The following USP28 variants were observed in gnomAD, a reference collection of about 807,000 sequenced individuals.
USP28 encodes ubiquitin specific peptidase 28.
Under a neutral mutation model 145.0 loss-of-function variants are expected in USP28, and 113 were observed. The observed-to-expected ratio is 0.78, with a 90% CI of 0.67 to 0.91. The LOEUF (loss-of-function observed/expected upper bound fraction) is 0.91, where lower values mean the gene tolerates loss of function less well. Among genes scored for constraint, USP28 ranks in the 40% least tolerant of loss-of-function variants. USP28 has a pLI of 0.00. For synonymous variants in USP28, 447 were observed against 450.9 expected (o/e 0.99, Z 0.11); for missense variants, 1,201 against 1,289.6 (o/e 0.93, Z 1.05).
At chr11:113,864,317 A>G (rs1259465336) in intron 1 of USP28, among the ~76,000 whole-genome samples, 3 of 152,244 alleles carry the variant, frequency 2.0e-5, no homozygotes, top group Non-Finnish European at 2.9e-5. Flanking sequence ...CATGAACTGG[A>G]AAACTGTACT....
chr11:113,837,479 C>G (rs975007926), intron 5 of USP28, among the ~76,000 whole-genome samples: 1 of 152,224 alleles, frequency 6.6e-6, no homozygotes, highest in Non-Finnish European at 1.5e-5. Flanking sequence ...TCGCAGATTA[C>G]ACGTTCAGAA....
intron 1 of USP28, among the ~76,000 whole-genome samples, chr11:113,858,447 ATT>A (rs1211743686): frequency 6.6e-6 from 1 of 152,050 alleles, no homozygotes; most frequent in Admixed American, 6.6e-5. Context: ...CAGGGGTTAT[ATT>A]TGTCTTACCT....
chr11:113,812,149 A>G (rs1466965858), intron 16 of USP28, 127 bp downstream of exon 16: 8 of 637,190 alleles, frequency 1.3e-5, no homozygotes, highest in East Asian at 2.9e-5. Context: ...TATACTGTCT[A>G]TATTTTTTAA....
chr11:113,857,838 T>C (rs1947229208), intron 1 of USP28, among the ~76,000 whole-genome samples: 1 of 152,122 alleles, frequency 6.6e-6, no homozygotes, highest in African/African-American at 2.4e-5. Context: ...GATAACACAA[T>C]CAGGAAAGGA....
chr11:113,841,910 T>C, intron 3 of USP28, 142 bp from the exon 4 acceptor site: 1 of 469,122 alleles, frequency 2.1e-6, no homozygotes, highest in East Asian at 3.4e-5. Flanking sequence ...CCCTACTGCA[T>C]AGTCAAATGA....
exon 8 of USP28, chr11:113,831,992 T>C: frequency 6.2e-7 from 1 of 1,613,752 alleles, no homozygotes; most frequent in Non-Finnish European, 8.5e-7. Context: ...ACTCACATCT[T>C]GCTATAAGAG....
intron 1 of USP28, among the ~76,000 whole-genome samples, chr11:113,873,458 C>T (rs1949023352): frequency 6.6e-6 from 1 of 152,160 alleles, no homozygotes; most frequent in African/African-American, 2.4e-5. Flanking sequence ...CATACAAATG[C>T]TCATCAAGTA....
At chr11:113,871,303 C>T (rs1165084947) in intron 1 of USP28, among the ~76,000 whole-genome samples, 2 of 152,088 alleles carry the variant, frequency 1.3e-5, no homozygotes, top group East Asian at 3.8e-4. Flanking sequence ...ATGTGAGTAG[C>T]AAGGGAGAAG....
intron 10 of USP28, chr11:113,828,944 G>T: frequency 3.2e-6 from 2 of 622,288 alleles, no homozygotes; most frequent in Non-Finnish European, 5.9e-6. Context: ...AGAGAAACTT[G>T]ATCATACTTA....
exon 25 of USP28, chr11:113,798,308 G>C (rs1325663207): frequency 6.6e-6 from 1 of 151,796 alleles, no homozygotes; most frequent in Non-Finnish European, 1.5e-5. Flanking sequence ...CCAGCTATTC[G>C]GGAGGCTGAG....
At chr11:113,850,705 C>T (rs1468187446) in intron 3 of USP28, among the ~76,000 whole-genome samples, 1 of 152,224 alleles carries the variant, frequency 6.6e-6, no homozygotes, top group East Asian at 1.9e-4. Context: ...CTCCCCAGAC[C>T]TCTGAACATA....
chr11:113,815,010 C>T (rs1225488593), intron 14 of USP28, among the ~76,000 whole-genome samples, 164 bp downstream of exon 14: 5 of 152,022 alleles, frequency 3.3e-5, no homozygotes, highest in African/African-American at 1.2e-4. Context: ...TGAGATTGCA[C>T]CACTGCACTC....
At chr11:113,817,990 G>A (rs932673781) in intron 12 of USP28, 153 bp from the exon 13 acceptor site, 4 of 682,376 alleles carry the variant, frequency 5.9e-6, no homozygotes, top group South Asian at 3.9e-5. Context: ...CAATCTATAG[G>A]GTAAAAATTC....
chr11:113,801,300 T>TA (rs1192532476), intron 24 of USP28, among the ~76,000 whole-genome samples, 183 bp downstream of exon 25: 1 of 152,122 alleles, frequency 6.6e-6, no homozygotes, highest in East Asian at 1.9e-4. Flanking sequence ...AAAGGGAGGT[T>TA]AAGAGGGGCA....
chr11:113,808,048 T>A (rs1011854107), intron 18 of USP28: 52 of 1,324,638 alleles, frequency 3.9e-5, no homozygotes, highest in Non-Finnish European at 4.7e-5. Flanking sequence ...GGCAGTAGAC[T>A]CTGCATCATT....
intron 16 of USP28, among the ~76,000 whole-genome samples, chr11:113,809,721 AATAAC>A (rs1393566767): frequency 1.3e-5 from 2 of 152,186 alleles, no homozygotes; most frequent in Non-Finnish European, 2.9e-5. Context: ...TAAGTGAATG[AATAAC>A]ACAGAGTTAA....
intron 3 of USP28, among the ~76,000 whole-genome samples, chr11:113,847,359 A>G (rs1945978104): frequency 6.6e-6 from 1 of 150,832 alleles, no homozygotes; most frequent in South Asian, 2.1e-4. Context: ...AAGATACCAC[A>G]GTAATACAAT....
At chr11:113,844,489 A>AATATTTG (rs1754005839) in intron 3 of USP28, among the ~76,000 whole-genome samples, 1 of 151,696 alleles carries the variant, frequency 6.6e-6, no homozygotes, top group Non-Finnish European at 1.5e-5. Context: ...AAAGGGAGAA[A>AATATTTG]ATATTTGCAA....
chr11:113,868,904 T>A (rs1290967006), intron 1 of USP28, among the ~76,000 whole-genome samples: 3 of 144,746 alleles, frequency 2.1e-5, no homozygotes, highest in East Asian at 4.0e-4. Flanking sequence ...CCAGCCTAGG[T>A]GACAGAGTAA....
Sources: gnomAD v4.1 joint callset for allele counts (sites outside exome capture counted in the v4.1 genomes callset) on GRCh38, gnomAD v4.1.1 for gene constraint, MANE v1.5 for transcripts, NCBI Gene and HGNC (gene_info 2026-07-23, HGNC 2026-07-21) for gene names.